FSTL4: variants seen among roughly 807,000 people sequenced by gnomAD.
FSTL4 encodes follistatin-related protein 4.
In FSTL4, 28 loss-of-function variants were observed where a neutral mutation model predicts 78.2. The observed-to-expected ratio is 0.36, with a 90% CI of 0.27 to 0.49. The LOEUF is 0.49. Among genes scored for constraint, FSTL4 ranks in the 20% least tolerant of loss-of-function variants. The probability of loss-of-function intolerance (pLI) is 0.98; values close to 1 mark genes in which losing one functional copy is unlikely to be tolerated. For missense variants in FSTL4, 922 were observed against 1,084.9 expected (o/e 0.85, Z 2.11); for synonymous variants, 422 against 440.5 (o/e 0.96, Z 0.53).
At chr5:133,634,392 CTT>C in the FSTL4 span, among the ~76,000 whole-genome samples, 38 of 112,912 alleles carry the variant, frequency 3.4e-4, no homozygotes, top group Non-Finnish European at 6.1e-4. Context: ...CTCTCTCTCT[CTT>C]TTTTTTTTTC....
chr5:133,411,431 G>A (rs10067889), intron 3 of FSTL4, among the ~76,000 whole-genome samples: 2,231 of 152,250 alleles, frequency 0.015, 49 homozygotes, highest in African/African-American at 0.048. Flanking sequence ...CTATTGAGAT[G>A]TCAAGTCTTC....
At chr5:133,526,778 A>G (rs1759110456) in intron 3 of FSTL4, among the ~76,000 whole-genome samples, 1 of 152,146 alleles carries the variant, frequency 6.6e-6, no homozygotes, top group Admixed American at 6.5e-5. Flanking sequence ...ATGAATGCGA[A>G]ACAGGAGAAG....
the FSTL4 span, among the ~76,000 whole-genome samples, chr5:133,739,427 T>C: frequency 2.0e-5 from 3 of 151,948 alleles, no homozygotes; most frequent in African/African-American, 7.3e-5. Flanking sequence ...CAGCAGAACA[T>C]CAAGGCTCTG....
the FSTL4 span, among the ~76,000 whole-genome samples, chr5:133,713,106 A>G: frequency 6.6e-6 from 1 of 152,210 alleles, no homozygotes; most frequent in South Asian, 2.1e-4. Flanking sequence ...GCCACAGCAA[A>G]TCCACACAAA....
chr5:133,388,837 C>T (rs1755769373), intron 4 of FSTL4, among the ~76,000 whole-genome samples: 1 of 146,244 alleles, frequency 6.8e-6, no homozygotes, highest in Non-Finnish European at 1.5e-5. Flanking sequence ...ATCATCCTCT[C>T]CCACAGTATT....
chr5:133,536,838 A>C (rs1041762777), intron 3 of FSTL4, among the ~76,000 whole-genome samples: 1 of 152,162 alleles, frequency 6.6e-6, no homozygotes, highest in African/African-American at 2.4e-5. Context: ...ATCACTGTAG[A>C]CTATATCACA....
chr5:133,352,377 T>C (rs192211170), intron 4 of FSTL4, among the ~76,000 whole-genome samples: 34 of 146,908 alleles, frequency 2.3e-4, no homozygotes, highest in Middle Eastern at 7.0e-3. Context: ...TATACACATA[T>C]ATATATATAC....
upstream of FSTL4, among the ~76,000 whole-genome samples, chr5:133,613,303 A>C (rs1235449255): frequency 6.6e-6 from 1 of 152,176 alleles, no homozygotes; most frequent in Non-Finnish European, 1.5e-5. Flanking sequence ...GTCTGGCAGG[A>C]AACTTAGGAG....
intron 7 of FSTL4, chr5:133,247,311 A>G (rs1752069786): frequency 6.6e-6 from 1 of 152,216 alleles, no homozygotes; most frequent in Non-Finnish European, 1.5e-5. Context: ...TAGAAATGCA[A>G]TTGAGTTGGT....
the FSTL4 span, among the ~76,000 whole-genome samples, chr5:133,777,290 G>C: frequency 6.6e-6 from 1 of 152,218 alleles, no homozygotes; most frequent in Admixed American, 6.5e-5. Flanking sequence ...AGGAAAAGTA[G>C]AATACAAAAT....
intron 6 of FSTL4, among the ~76,000 whole-genome samples, chr5:133,302,211 C>T (rs1372088158): frequency 2.6e-5 from 4 of 152,108 alleles, no homozygotes; most frequent in Non-Finnish European, 5.9e-5. Context: ...GGGCTCTGAA[C>T]ATATGGCCGT....
intron 6 of FSTL4, among the ~76,000 whole-genome samples, chr5:133,308,953 G>T (rs1561665739): frequency 6.6e-6 from 1 of 152,138 alleles, no homozygotes; most frequent in Non-Finnish European, 1.5e-5. Context: ...TCTCATAGGA[G>T]TAATTAAAAG....
the FSTL4 span, among the ~76,000 whole-genome samples, chr5:133,740,110 G>T: frequency 6.6e-6 from 1 of 151,956 alleles, no homozygotes; most frequent in African/African-American, 2.4e-5. Context: ...CTCAAGAGTC[G>T]TGCACTCAAG....
intron 3 of FSTL4, among the ~76,000 whole-genome samples, chr5:133,492,663 T>C (rs1381345856): frequency 6.6e-6 from 1 of 152,176 alleles, no homozygotes; most frequent in East Asian, 1.9e-4. Flanking sequence ...ATAATTTGTA[T>C]TTATACTGTT....
chr5:133,300,859 C>T (rs73279993), intron 6 of FSTL4, among the ~76,000 whole-genome samples: 2,110 of 151,646 alleles, frequency 0.014, 47 homozygotes, highest in African/African-American at 0.049. Flanking sequence ...CAGCCCTCCA[C>T]GGGACACCTG....
At chr5:133,724,670 G>A in the FSTL4 span, among the ~76,000 whole-genome samples, 1 of 152,078 alleles carries the variant, frequency 6.6e-6, no homozygotes, top group Non-Finnish European at 1.5e-5. Context: ...TCAATCTGCG[G>A]CTTGTTCATT....
At chr5:133,810,311 C>T in the FSTL4 span, among the ~76,000 whole-genome samples, 3 of 152,234 alleles carry the variant, frequency 2.0e-5, no homozygotes, top group Admixed American at 2.0e-4. Flanking sequence ...TTCCCAGGAG[C>T]CTGTGTCCAG....
the FSTL4 span, among the ~76,000 whole-genome samples, chr5:133,825,326 C>T: frequency 6.6e-6 from 1 of 152,184 alleles, no homozygotes; most frequent in Non-Finnish European, 1.5e-5. Flanking sequence ...CAGGTGGGCA[C>T]CAAACTTTGG....
At chr5:133,651,670 C>G in the FSTL4 span, among the ~76,000 whole-genome samples, 1 of 151,780 alleles carries the variant, frequency 6.6e-6, no homozygotes, top group African/African-American at 2.4e-5. Context: ...GAGTCTTGCT[C>G]TGTCGCCTGA....
Sources: allele counts gnomAD v4.1 joint callset (sites outside exome capture counted in the v4.1 genomes callset), GRCh38; gene constraint gnomAD v4.1.1; transcripts MANE v1.5; gene names NCBI Gene and HGNC (gene_info 2026-07-23, HGNC 2026-07-21).